The following GULP1 variants were observed in gnomAD, a reference collection of about 807,000 sequenced individuals.
GULP1 encodes the protein PTB domain-containing engulfment adapter protein 1.
GULP1 carries 19 observed loss-of-function variants against 40.9 expected under a neutral mutation model. The ratio of observed to expected loss-of-function variants is 0.46; its 90% CI spans 0.32 to 0.68. The LOEUF (loss-of-function observed/expected upper bound fraction) is 0.68. Among genes scored for constraint, GULP1 ranks in the 30% least tolerant of loss-of-function variants. GULP1 has a pLI of 0.03. For synonymous variants in GULP1, 119 were observed against 117.6 expected (o/e 1.01, Z -0.08); for missense variants, 312 against 362.2 (o/e 0.86, Z 1.12).
chr2:188,339,786 CATT>C (rs1281870644), intron 1 of GULP1, among the ~76,000 whole-genome samples: 4 of 152,104 alleles, frequency 2.6e-5, no homozygotes, highest in Admixed American at 1.3e-4. Flanking sequence ...AAAAAGAAAA[CATT>C]ATATGTTAGT....
At chr2:188,365,560 A>G (rs1056659156) in intron 1 of GULP1, among the ~76,000 whole-genome samples, 1 of 152,198 alleles carries the variant, frequency 6.6e-6, no homozygotes, top group Non-Finnish European at 1.5e-5. Flanking sequence ...AAGGAAGCTG[A>G]TAATTGTTGA....
At chr2:188,377,358 C>T (rs2048431317) in intron 1 of GULP1, among the ~76,000 whole-genome samples, 1 of 152,042 alleles carries the variant, frequency 6.6e-6, no homozygotes, top group African/African-American at 2.4e-5. Flanking sequence ...TATAGATTAT[C>T]TCATTTATGT....
At chr2:188,582,709 G>A (rs1041285725) in intron 9 of GULP1, 3 of 348,132 alleles carry the variant, frequency 8.6e-6, no homozygotes, top group South Asian at 6.7e-5. Context: ...GTGTGCCATT[G>A]TTGTTTTCTT....
intron 1 of GULP1, among the ~76,000 whole-genome samples, chr2:188,336,627 A>G (rs568009339): frequency 1.3e-5 from 2 of 152,314 alleles, no homozygotes; most frequent in South Asian, 2.1e-4. Context: ...GGAGACATCC[A>G]TGGATGAGGT....
chr2:188,430,937 C>T (rs2056801738), intron 2 of GULP1, among the ~76,000 whole-genome samples: 1 of 152,166 alleles, frequency 6.6e-6, no homozygotes, highest in Admixed American at 6.5e-5. Flanking sequence ...GCTGGCTTTT[C>T]CCACACAGTC....
intron 1 of GULP1, among the ~76,000 whole-genome samples, chr2:188,321,198 C>A (rs1035376060): frequency 6.6e-6 from 1 of 152,034 alleles, no homozygotes; most frequent in Non-Finnish European, 1.5e-5. Context: ...AATTTGAATG[C>A]GAAATTCAAG....
chr2:188,533,212 G>A (rs1041362379), intron 6 of GULP1, among the ~76,000 whole-genome samples: 14 of 152,146 alleles, frequency 9.2e-5, no homozygotes, highest in Admixed American at 3.9e-4. Flanking sequence ...AAAAAATAGC[G>A]TATGATACTG....
chr2:188,327,546 G>A (rs2040928570), intron 1 of GULP1, among the ~76,000 whole-genome samples: 1 of 151,992 alleles, frequency 6.6e-6, no homozygotes, highest in Non-Finnish European at 1.5e-5. Context: ...CAGGCTTCAG[G>A]GCTCCTTATT....
chr2:188,460,960 C>T (rs957044931), intron 2 of GULP1, among the ~76,000 whole-genome samples: 9 of 152,064 alleles, frequency 5.9e-5, no homozygotes, highest in Non-Finnish European at 1.0e-4. Flanking sequence ...TATGTTAAAC[C>T]ATTATTGCAT....
At chr2:188,347,761 A>T (rs1191481163) in intron 1 of GULP1, among the ~76,000 whole-genome samples, 1 of 152,124 alleles carries the variant, frequency 6.6e-6, no homozygotes, top group Non-Finnish European at 1.5e-5. Flanking sequence ...CTACAGGCAC[A>T]TGCCACCACG....
intron 1 of GULP1, among the ~76,000 whole-genome samples, chr2:188,332,078 T>TCCTTGGTACCCTTGGGTA (rs2041667888): frequency 6.6e-6 from 1 of 152,108 alleles, no homozygotes; most frequent in Admixed American, 6.6e-5. Flanking sequence ...AGAGTAAGGG[T>TCCTTGGTACCCTTGGGTA]CCTTGGGTAC....
chr2:188,344,474 A>G (rs1230785761), intron 1 of GULP1, among the ~76,000 whole-genome samples: 1 of 152,240 alleles, frequency 6.6e-6, no homozygotes, highest in Non-Finnish European at 1.5e-5. Flanking sequence ...TTCGAGGGGA[A>G]AGGATTTGCA....
chr2:188,302,147 T>C (rs925027208), intron 1 of GULP1, among the ~76,000 whole-genome samples: 1 of 152,176 alleles, frequency 6.6e-6, no homozygotes, highest in African/African-American at 2.4e-5. Context: ...ATTTTAGATA[T>C]GGTTAGTGCT....
At chr2:188,393,070 A>T (rs2050739652) in intron 2 of GULP1, among the ~76,000 whole-genome samples, 2 of 151,860 alleles carry the variant, frequency 1.3e-5, no homozygotes, top group Admixed American at 6.6e-5. Context: ...TTTGGATAGA[A>T]TGTTCTGTAA....
chr2:188,540,457 TG>T (rs1690186516), intron 6 of GULP1, among the ~76,000 whole-genome samples: 2 of 151,824 alleles, frequency 1.3e-5, no homozygotes, highest in African/African-American at 4.8e-5. Context: ...TGTGTGTGCG[TG>T]TGTAAATATA....
intron 1 of GULP1, among the ~76,000 whole-genome samples, chr2:188,343,897 G>T (rs1332500520): frequency 6.6e-6 from 1 of 152,158 alleles, no homozygotes; most frequent in African/African-American, 2.4e-5. Context: ...TCACCTCCCA[G>T]GTTCAAGCAA....
intron 1 of GULP1, among the ~76,000 whole-genome samples, chr2:188,356,719 CAAAAAGCT>C (rs779438456): frequency 1.3e-5 from 2 of 151,932 alleles, no homozygotes; most frequent in Non-Finnish European, 2.9e-5. Context: ...CCAAAGACCC[CAAAAAGCT>C]AAAACAATCC....
At chr2:188,532,455 G>C (rs35850211) in intron 6 of GULP1, among the ~76,000 whole-genome samples, 1 of 152,050 alleles carries the variant, frequency 6.6e-6, no homozygotes, top group South Asian at 2.1e-4. Flanking sequence ...ACGTTTATAG[G>C]GTATGTGTGT....
intron 2 of GULP1, among the ~76,000 whole-genome samples, chr2:188,444,513 T>C (rs2058216924): frequency 6.6e-6 from 1 of 152,220 alleles, no homozygotes; most frequent in Non-Finnish European, 1.5e-5. Context: ...CAAAGTATTT[T>C]TTCTACCTGC....
Sources: allele counts gnomAD v4.1 joint callset (sites outside exome capture counted in the v4.1 genomes callset), GRCh38; gene constraint gnomAD v4.1.1; transcripts MANE v1.5; gene names NCBI Gene and HGNC (gene_info 2026-07-23, HGNC 2026-07-21).